Variants in STEAP4 observed in about 807,000 individuals in gnomAD.
The protein encoded by STEAP4 is metalloreductase STEAP4.
In STEAP4, 36 loss-of-function variants were observed where a neutral mutation model predicts 43.6. That is an observed-to-expected ratio of 0.83 (90% CI 0.63 to 1.09). STEAP4 has a LOEUF of 1.09. Ranked by LOEUF, STEAP4 falls within the 50% of genes least tolerant of loss-of-function variation. The pLI is 0.00. For synonymous variants in STEAP4, 191 were observed against 196.7 expected (o/e 0.97, Z 0.24); for missense variants, 495 against 546.5 (o/e 0.91, Z 0.94).
rs1444036524 is a variant in STEAP4 at position 88,278,193 on chromosome 7, C to A, written c.*1205G>T. 6.6e-6 allele frequency: 1 copy of A among 152,036 alleles called. No individual in the cohort carries two copies. The highest frequency in any genetic ancestry group is 1.5e-5 in the Non-Finnish European group (1 of 68,000). 9.4% of individuals were successfully genotyped at this position (152,036 alleles called of 1,614,324 possible). A position where few individuals can be genotyped will look rare whatever the true frequency, so the allele number is the denominator to read the frequency against. ...CATTGCTTGAGCTAGGAAGGTTAAT[C>A]CCCCTGAAGGTCACCTTGGAAAGGG... On this transcript the variant is annotated 3_prime_UTR_variant, in exon 5 of 5. Coordinates refer to ENST00000380079, the MANE Select transcript of STEAP4 (RefSeq NM_024636.4).
At chr7:88,298,691 C>T (rs1852974224) in intron 1 of STEAP4, among the ~76,000 whole-genome samples, 1 of 152,138 alleles carries the variant, frequency 6.6e-6, no homozygotes, top group Non-Finnish European at 1.5e-5. Flanking sequence ...GATAAATCAT[C>T]AACTTGTGAT....
At position 88,295,439 on chromosome 7, in the gene STEAP4, C is replaced by A. The variant is rs569627479; in HGVS notation, c.-2-11168G>T. Reference sequence around the variant, plus strand: ...GAGAATCAGGTAGAGAGCCTGAAGGCCCAGACTATTGGAGAGTCTGAATCA... The same window carrying A: ...GAGAATCAGGTAGAGAGCCTGAAGGACCAGACTATTGGAGAGTCTGAATCA... On this transcript the variant is annotated intron_variant, in intron 1 of 4. Transcript: ENST00000380079. 8.5e-5 allele frequency among the ~76,000 whole-genome samples: 13 copies of A among 152,300 alleles called. No individual in the cohort carries two copies. The South Asian group carries it at 2.3e-3, about 27-fold the overall frequency.
intron 1 of STEAP4, among the ~76,000 whole-genome samples, chr7:88,294,223 C>T (rs529418670): frequency 9.9e-5 from 15 of 152,096 alleles, no homozygotes; most frequent in Admixed American, 3.3e-4. Context: ...CTTTATGTGA[C>T]GGGTTGCAGT....
chr7:88,288,788 T>G (rs550895818), intron 1 of STEAP4, among the ~76,000 whole-genome samples: 4 of 152,142 alleles, frequency 2.6e-5, no homozygotes, highest in African/African-American at 9.6e-5. Flanking sequence ...ATAAAAGACT[T>G]CTAAACACAG....
chr7:88,296,760 G>T (rs1030616325), intron 1 of STEAP4, among the ~76,000 whole-genome samples: 1 of 152,034 alleles, frequency 6.6e-6, no homozygotes, highest in Admixed American at 6.6e-5. Flanking sequence ...TATTCACTGA[G>T]CTATTTCTGT....
In STEAP4 at chr7:88,279,085, C is replaced by G; in HGVS notation, c.*313G>C. The G allele has an allele frequency of 2.9e-6, 1 of 344,838 alleles. No individual in the cohort carries two copies. The highest frequency in any genetic ancestry group is 2.8e-5 in the South Asian group (1 of 35,220). 21.4% of individuals were successfully genotyped at this position (344,838 alleles called of 1,614,324 possible). A position where few individuals can be genotyped will look rare whatever the true frequency, so the allele number is the denominator to read the frequency against. ...GGATTTTGCAAGACATTAGGTCATG[C>G]ATGTTGCCCATAACAAGGAAACTCT... is the stretch of plus-strand genomic sequence containing the variant. On this transcript the variant is annotated 3_prime_UTR_variant, in exon 5 of 5. Transcript: ENST00000380079.
chr7:88,279,717 AC>A, intron 4 of STEAP4, 89 bp from the exon 5 acceptor site: 1 of 1,109,516 alleles, frequency 9.0e-7, no homozygotes, highest in Non-Finnish European at 1.3e-6. Context: ...TTTGTCAACA[AC>A]CACAAACATT....
At chr7:88,283,525 G>A in intron 2 of STEAP4, 1 of 501,454 alleles carries the variant, frequency 2.0e-6, no homozygotes, top group East Asian at 3.5e-5. Flanking sequence ...GGTAATGGAA[G>A]CAGAAAAGGA....
intron 2 of STEAP4, 117 bp from the exon 3 acceptor site, chr7:88,283,285 T>A: frequency 9.3e-7 from 1 of 1,072,294 alleles, no homozygotes; most frequent in Non-Finnish European, 1.3e-6. Context: ...GAACCGATTT[T>A]AAAATAAGGA....
At chr7:88,283,336 T>A in intron 2 of STEAP4, 168 bp from the exon 3 acceptor site, 2 of 751,462 alleles carry the variant, frequency 2.7e-6, no homozygotes, top group South Asian at 5.1e-5. Context: ...TAAACTTGTA[T>A]GTGGTGTCTT....
intron 1 of STEAP4, chr7:88,290,799 T>C (rs1852821223): frequency 6.6e-6 from 1 of 152,218 alleles, no homozygotes. Context: ...GAATCCACCA[T>C]GGCCCACTCA....
chr7:88,301,772 C>T (rs893040120), intron 1 of STEAP4, among the ~76,000 whole-genome samples: 1 of 152,178 alleles, frequency 6.6e-6, no homozygotes, highest in African/African-American at 2.4e-5. Context: ...GATGTGGTTT[C>T]ACCATGTTGG....
chr7:88,300,356 G>A (rs957711860), intron 1 of STEAP4, among the ~76,000 whole-genome samples: 6 of 152,088 alleles, frequency 3.9e-5, no homozygotes, highest in Admixed American at 2.0e-4. Flanking sequence ...TCACAGGTGC[G>A]TGCCACCATG....
At chr7:88,289,440 T>C (rs561647647) in intron 1 of STEAP4, among the ~76,000 whole-genome samples, 10 of 152,218 alleles carry the variant, frequency 6.6e-5, no homozygotes, top group Non-Finnish European at 1.5e-4. Context: ...AATTCTCCTA[T>C]GGTGGATTTC....
chr7:88,280,864 G>A (rs1251193301), intron 4 of STEAP4, 51 bp downstream of exon 4: 1 of 1,457,292 alleles, frequency 6.9e-7, no homozygotes, highest in Non-Finnish European at 9.1e-7. Context: ...ATGATTGCTA[G>A]GGAAGTGATG....
At position 88,284,183 on chromosome 7, in the gene STEAP4, A is replaced by G. The variant is rs1197738729; in HGVS notation, c.87T>C (p.Asp29=). 1.9e-6 allele frequency: 3 copies of G among 1,614,098 alleles called. No homozygotes were observed. The highest frequency in any genetic ancestry group is 2.5e-6 in the Non-Finnish European group (3 of 1,180,020). The change falls in exon 2 of 5, where the codon GAT becomes GAC. Residue 29 remains aspartate (D), a synonymous_variant. Coordinates refer to ENST00000380079, the MANE Select transcript of STEAP4 (RefSeq NM_024636.4). ...TTTTCAATCCCAGTGATCTTCCAAAATCACCAGTTCCAAAAATACATACAG... is the reference window on the plus strand; with the variant it reads ...TTTTCAATCCCAGTGATCTTCCAAAGTCACCAGTTCCAAAAATACATACAG... ...QETVCIFGTG[D]FGRSLGLKML...
rs1268385300 is a variant in STEAP4 at position 88,278,279 on chromosome 7, A to G, written c.*1119T>C. ...AAATTTCAGCAAGGATTTGAGAAAG[A>G]TCCAAATTTCACATAATGATGAATC... On this transcript the variant is annotated 3_prime_UTR_variant, in exon 5 of 5. Coordinates refer to ENST00000380079, the MANE Select transcript of STEAP4 (RefSeq NM_024636.4). The G allele has an allele frequency of 6.6e-6, 1 of 152,204 alleles. No individual in the cohort carries two copies. Among genetic ancestry groups the G allele is most frequent in the African/African-American group, 2.4e-5 (1 of 41,448 alleles). 9.4% of individuals were successfully genotyped at this position (152,204 alleles called of 1,614,324 possible). A position where few individuals can be genotyped will look rare whatever the true frequency, so the allele number is the denominator to read the frequency against.
At chr7:88,280,790 C>T (rs879807930) in intron 4 of STEAP4, 125 bp downstream of exon 4, 33 of 1,005,452 alleles carry the variant, frequency 3.3e-5, no homozygotes, top group Non-Finnish European at 4.6e-5. Flanking sequence ...ATTAAGAAAT[C>T]AAATCATTAT....
chr7:88,279,216 G>T lies in STEAP4; in HGVS notation c.*182C>A. 1 of 605,052 alleles carries T rather than the reference G, an allele frequency of 1.7e-6. No individual in the cohort carries two copies. Among genetic ancestry groups the T allele is most frequent in the Non-Finnish European group, 2.9e-6 (1 of 344,782 alleles). 37.5% of individuals were successfully genotyped at this position (605,052 alleles called of 1,614,324 possible). ...CTTCACTAACCTGAGATAAAATGGT[G>T]TTCTCTTCCAGTATGTCAGTCAATT... On this transcript the variant is annotated 3_prime_UTR_variant, in exon 5 of 5. Coordinates refer to ENST00000380079, the MANE Select transcript of STEAP4 (RefSeq NM_024636.4).
Sources: gnomAD v4.1 joint callset for allele counts (sites outside exome capture counted in the v4.1 genomes callset) on GRCh38, gnomAD v4.1.1 for gene constraint, MANE v1.5 for transcripts, NCBI Gene and HGNC (gene_info 2026-07-23, HGNC 2026-07-21) for gene names.